The following PLEKHA5 variants were observed in gnomAD, a reference collection of about 807,000 sequenced individuals.
The protein encoded by PLEKHA5 is pleckstrin homology domain-containing family A member 5.
Under a neutral mutation model 181.9 loss-of-function variants are expected in PLEKHA5, and 55 were observed. The observed-to-expected ratio is 0.30, with a 90% confidence interval of 0.24 to 0.38. The LOEUF (loss-of-function observed/expected upper bound fraction) is 0.38. Ranked by LOEUF, PLEKHA5 falls within the 10% of genes least tolerant of loss-of-function variation. The pLI, the probability that PLEKHA5 is intolerant of heterozygous loss-of-function variation, is 1.00. For missense variants in PLEKHA5, 1,432 were observed against 1,549.5 expected (o/e 0.92, Z 1.27); for synonymous variants, 535 against 529.4 (o/e 1.01, Z -0.15).
intron 2 of PLEKHA5, among the ~76,000 whole-genome samples, 175 bp from the exon 3 acceptor site, chr12:19,132,218 T>C (rs1439690465): frequency 6.6e-6 from 1 of 152,166 alleles, no homozygotes; most frequent in African/African-American, 2.4e-5. Context: ...GGCTCTAAAT[T>C]TGAATTGCTG....
chr12:19,245,748 A>C (rs2063580743), intron 3 of PLEKHA5, among the ~76,000 whole-genome samples: 1 of 150,260 alleles, frequency 6.7e-6, no homozygotes, highest in Admixed American at 6.6e-5. Context: ...AAAAAAAAAA[A>C]AACCTTCCTT....
intron 28 of PLEKHA5, among the ~76,000 whole-genome samples, chr12:19,361,253 G>A (rs552077932): frequency 1.3e-4 from 20 of 152,180 alleles, no homozygotes; most frequent in East Asian, 5.8e-4. Context: ...CGCGATCTCC[G>A]CTCACTGCAT....
intron 3 of PLEKHA5, among the ~76,000 whole-genome samples, chr12:19,143,000 A>G (rs1160210054): frequency 6.6e-6 from 1 of 152,186 alleles, no homozygotes; most frequent in Non-Finnish European, 1.5e-5. Flanking sequence ...ATAATATTCC[A>G]TCATATTTTC....
intron 3 of PLEKHA5, among the ~76,000 whole-genome samples, chr12:19,196,362 A>T (rs1161171750): frequency 1.3e-5 from 2 of 152,220 alleles, no homozygotes; most frequent in African/African-American, 4.8e-5. Flanking sequence ...ATAGTGAAAA[A>T]ATTTGAACCA....
Position 19,283,462 on chromosome 12 carries a change from G to A in PLEKHA5, c.1496G>A (p.Arg499Lys). The change falls in exon 12 of 32, where the codon AGG (arginine) becomes AAG (lysine). Residue 499 changes from arginine (R) to lysine (K), a missense_variant. By Grantham distance (26) the Arg-to-Lys change is conservative. Coordinates refer to ENST00000429027, the MANE Select transcript of PLEKHA5 (RefSeq NM_001256470.2). The stretch of plus-strand genomic sequence containing the variant: ...GGACCCGGAGCGGAGGAGAAACGGA[G>A]GTCCATGAGAGATGACACAATGTGG... ...TLGPGAEEKR[R>K]SMRDDTMWQL... 2 of 1,614,102 alleles carry A rather than the reference G, an allele frequency of 1.2e-6. No homozygotes were observed. The highest frequency in any genetic ancestry group is 1.7e-6 in the Non-Finnish European group (2 of 1,180,034).
chr12:19,157,315 C>T (rs1042484695), intron 3 of PLEKHA5, among the ~76,000 whole-genome samples: 2 of 151,958 alleles, frequency 1.3e-5, no homozygotes, highest in African/African-American at 2.4e-5. Context: ...ACTGGGGATA[C>T]GAAGAGGAAA....
chr12:19,326,055 A>C (rs1422716650), intron 20 of PLEKHA5, among the ~76,000 whole-genome samples: 1 of 152,002 alleles, frequency 6.6e-6, no homozygotes, highest in East Asian at 1.9e-4. Flanking sequence ...AAATAGAATA[A>C]AATAAAATTT....
At chr12:19,186,303 AT>A (rs1300993171) in intron 3 of PLEKHA5, among the ~76,000 whole-genome samples, 2 of 152,174 alleles carry the variant, frequency 1.3e-5, no homozygotes, top group African/African-American at 4.8e-5. Flanking sequence ...GAAGTACTTG[AT>A]ATATAATAAA....
chr12:19,197,677 TGTG>T (rs2053176922), intron 3 of PLEKHA5, among the ~76,000 whole-genome samples: 1 of 2,950 alleles, frequency 3.4e-4, no homozygotes, highest in African/African-American at 5.9e-4. Context: ...TATCCGGTGC[TGTG>T]TGTGTGTGTG....
chr12:19,193,332 A>G (rs1247121971), intron 3 of PLEKHA5, among the ~76,000 whole-genome samples: 3 of 152,198 alleles, frequency 2.0e-5, no homozygotes, highest in African/African-American at 7.2e-5. Flanking sequence ...AGTAGACCCC[A>G]TGTTGGGAAC....
chr12:19,180,593 C>T (rs1372566878), intron 3 of PLEKHA5, among the ~76,000 whole-genome samples: 3 of 152,010 alleles, frequency 2.0e-5, no homozygotes, highest in Non-Finnish European at 2.9e-5. Context: ...CATCTGCAAG[C>T]ATATTTTAGA....
chr12:19,209,996 A>G (rs2056581844), intron 3 of PLEKHA5, among the ~76,000 whole-genome samples: 1 of 152,134 alleles, frequency 6.6e-6, no homozygotes, highest in Non-Finnish European at 1.5e-5. Context: ...ACATCTCATC[A>G]TCCTGTTTTG....
At chr12:19,203,803 C>T (rs946419197) in intron 3 of PLEKHA5, among the ~76,000 whole-genome samples, 10 of 152,058 alleles carry the variant, frequency 6.6e-5, no homozygotes, top group Admixed American at 4.6e-4. Flanking sequence ...TACCGTGACT[C>T]ATATATAACC....
intron 3 of PLEKHA5, among the ~76,000 whole-genome samples, chr12:19,183,289 A>C (rs111471005): frequency 1.3e-5 from 2 of 152,186 alleles, no homozygotes; most frequent in Non-Finnish European, 2.9e-5. Flanking sequence ...GACTCTGGAA[A>C]GAGGTGTCAG....
In PLEKHA5 at chr12:19,333,153, C is replaced by T. The variant is rs189458102; in HGVS notation, c.2449-3362C>T. ...TACAAAAATTAGCCGGACATGGTGG[C>T]GCATGCCTGTAATCCCAACTACTCG... On this transcript the variant is annotated intron_variant, in intron 20 of 31. Coordinates refer to ENST00000429027, the MANE Select transcript of PLEKHA5 (RefSeq NM_001256470.2). Among the ~76,000 whole-genome samples, 46 of 152,146 alleles carry T rather than the reference C, an allele frequency of 3.0e-4. No homozygotes were observed. In the East Asian group the frequency reaches 6.6e-3, roughly 22 times the overall value.
chr12:19,299,880 C>A (rs2080972564), intron 15 of PLEKHA5, among the ~76,000 whole-genome samples: 1 of 152,120 alleles, frequency 6.6e-6, no homozygotes, highest in Non-Finnish European at 1.5e-5. Flanking sequence ...AAAAAAGTCT[C>A]TTTTTGTCAT....
intron 20 of PLEKHA5, 72 bp from the exon 21 acceptor site, chr12:19,336,443 G>A (rs1450032179): frequency 1.3e-6 from 1 of 769,094 alleles, no homozygotes; most frequent in Non-Finnish European, 2.2e-6. Context: ...AATCTAGAAA[G>A]TTACAATTGG....
At chr12:19,280,036 G>GTTTTTTTT (rs869050795) in intron 11 of PLEKHA5, among the ~76,000 whole-genome samples, 1 of 54,492 alleles carries the variant, frequency 1.8e-5, no homozygotes, top group Non-Finnish European at 3.2e-5. Context: ...AATGAAACCT[G>GTTTTTTTT]TTTTTTTTTT....
intron 3 of PLEKHA5, among the ~76,000 whole-genome samples, chr12:19,226,285 G>A (rs138652593): frequency 3.3e-5 from 5 of 152,030 alleles, no homozygotes; most frequent in African/African-American, 1.2e-4. Flanking sequence ...CCTTTTTATG[G>A]CTGAATAATA....
Sources: allele counts gnomAD v4.1 joint callset (sites outside exome capture counted in the v4.1 genomes callset), GRCh38; gene constraint gnomAD v4.1.1; transcripts MANE v1.5; gene names NCBI Gene and HGNC (gene_info 2026-07-23, HGNC 2026-07-21).